The following TRHDE variants were observed in gnomAD, a reference collection of about 807,000 sequenced individuals.
TRHDE encodes thyrotropin releasing hormone degrading enzyme, also known as thyrotropin-releasing hormone-degrading ectoenzyme.
In TRHDE, 72 loss-of-function variants were observed where a neutral mutation model predicts 125.7. The ratio of observed to expected loss-of-function variants is 0.57; its 90% CI spans 0.47 to 0.70. The LOEUF (loss-of-function observed/expected upper bound fraction) is 0.70. TRHDE is among the 30% of genes least tolerant of loss of function. The pLI is 0.00. For missense variants in TRHDE, 1,110 were observed against 1,327.1 expected (o/e 0.84, Z 2.54); for synonymous variants, 509 against 509.1 (o/e 1.00, Z 0.00).
In TRHDE at chr12:72,631,463, T is replaced by G. The variant is rs73334832; in HGVS notation, c.2675+9712T>G. Among the ~76,000 whole-genome samples, 352 of 152,012 alleles carry G rather than the reference T, an allele frequency of 2.3e-3. 2 individuals carry two copies. The highest frequency in any genetic ancestry group is 8.1e-3 in the African/African-American group (336 of 41,540). ...TTTAAGTGAGTATCCTTTGTCAAAT[T>G]TAATTATATCAGTATTCCTTAAAAT... is the stretch of plus-strand genomic sequence containing the variant. On this transcript the variant is annotated intron_variant, in intron 15 of 18. Transcript: ENST00000261180.
At position 72,176,221 on chromosome 12, in the gene TRHDE, A is replaced by G. The variant is rs538392719; in HGVS notation, n.279+70469A>G. ...AAAAAAAGAGGCCAAACTCCCCCAAATTAGCTGGGTGTGGTGGTGCACACC... is the reference window on the plus strand; with the variant it reads ...AAAAAAAGAGGCCAAACTCCCCCAAGTTAGCTGGGTGTGGTGGTGCACACC... On this transcript the variant is annotated intron_variant and non_coding_transcript_variant, in intron 2 of 4. Coordinates refer to the TRHDE transcript ENST00000548156. 6.6e-5 allele frequency among the ~76,000 whole-genome samples: 10 copies of G among 152,310 alleles called. No individual in the cohort carries two copies. The South Asian group carries it at 1.9e-3, about 28-fold the overall frequency.
intron 1 of TRHDE, among the ~76,000 whole-genome samples, chr12:72,100,298 T>G (rs2139288500): frequency 6.6e-6 from 1 of 152,320 alleles, no homozygotes; most frequent in South Asian, 2.1e-4. Context: ...CAAATGTTAC[T>G]TAATGCTATG....
At chr12:72,159,608 A>G (rs1311825488) in intron 2 of TRHDE, among the ~76,000 whole-genome samples, 1 of 152,236 alleles carries the variant, frequency 6.6e-6, no homozygotes, top group East Asian at 1.9e-4. Flanking sequence ...TTGGCAAAAT[A>G]CGTTTGAAAA....
At chr12:72,141,616 C>A (rs1876113589) in intron 2 of TRHDE, among the ~76,000 whole-genome samples, 1 of 152,160 alleles carries the variant, frequency 6.6e-6, no homozygotes, top group Non-Finnish European at 1.5e-5. Context: ...TCTGTTGAGT[C>A]CCTCTATGCC....
intron 5 of TRHDE, among the ~76,000 whole-genome samples, chr12:72,489,942 C>T (rs920514733): frequency 1.3e-4 from 20 of 151,758 alleles, no homozygotes; most frequent in Non-Finnish European, 5.9e-5. Flanking sequence ...ACAACGATAT[C>T]TTGGTGTGAT....
intron 6 of TRHDE, among the ~76,000 whole-genome samples, chr12:72,529,564 T>G (rs550787987): frequency 6.6e-6 from 1 of 152,274 alleles, no homozygotes; most frequent in African/African-American, 2.4e-5. Flanking sequence ...CATCCCCCTA[T>G]TCACAGGCTG....
chr12:72,090,779 A>G (rs1313254818), intron 1 of TRHDE, among the ~76,000 whole-genome samples: 2 of 152,174 alleles, frequency 1.3e-5, no homozygotes, highest in East Asian at 1.9e-4. Context: ...TGTTATCTCT[A>G]GAGATAACCA....
At chr12:72,277,174 A>C (rs1879518271) in intron 1 of TRHDE, among the ~76,000 whole-genome samples, 1 of 152,176 alleles carries the variant, frequency 6.6e-6, no homozygotes, top group Non-Finnish European at 1.5e-5. Context: ...GTTTAGAGAG[A>C]AACTATAGTC....
In TRHDE at chr12:72,339,776, C is replaced by T. The variant is rs143219808; in HGVS notation, c.1189-38219C>T. Among the ~76,000 whole-genome samples the T allele has an allele frequency of 1.8e-3, 274 of 152,276 alleles. 7 individuals carry two copies. In the East Asian group the frequency reaches 0.047, roughly 26 times the overall value. ...CTTGACTATGGTGGATACTCTGGTG[C>T]TCACCTATCCCCCACCCATTGAGAA... On this transcript the variant is annotated intron_variant, in intron 2 of 18. Transcript: ENST00000261180.
chr12:72,296,135 T>G (rs1186127027), intron 2 of TRHDE, among the ~76,000 whole-genome samples: 1 of 152,184 alleles, frequency 6.6e-6, no homozygotes, highest in Admixed American at 6.5e-5. Flanking sequence ...ATGTAGAAAA[T>G]GATAGATACT....
chr12:72,110,419 A>G (rs1456000799), intron 2 of TRHDE, among the ~76,000 whole-genome samples: 6 of 150,956 alleles, frequency 4.0e-5, no homozygotes, highest in African/African-American at 1.5e-4. Flanking sequence ...GTCAAAATTC[A>G]CCTTTTTTTT....
chr12:72,265,930 T>C (rs1450692935), intron 2 of TRHDE, among the ~76,000 whole-genome samples: 1 of 152,008 alleles, frequency 6.6e-6, no homozygotes, highest in Non-Finnish European at 1.5e-5. Context: ...GATATTTCAT[T>C]ATCTAAAAGA....
At chr12:72,552,650 C>T (rs571553473) in intron 7 of TRHDE, among the ~76,000 whole-genome samples, 1 of 152,114 alleles carries the variant, frequency 6.6e-6, no homozygotes, top group South Asian at 2.1e-4. Context: ...AGAAGGGTAA[C>T]GACTGTAAAC....
intron 13 of TRHDE, 38 bp from the exon 14 acceptor site, chr12:72,621,070 A>C: frequency 8.4e-7 from 1 of 1,190,560 alleles, no homozygotes; most frequent in Non-Finnish European, 1.2e-6. Context: ...AGAAGTTTTA[A>C]ACTGACCTTA....
intron 15 of TRHDE, among the ~76,000 whole-genome samples, chr12:72,638,453 T>C (rs1592589074): frequency 6.6e-6 from 1 of 151,750 alleles, no homozygotes; most frequent in East Asian, 1.9e-4. Context: ...CTTGACTCTT[T>C]ATCCAATTTG....
chr12:72,310,374 C>G (rs976698297), intron 2 of TRHDE, among the ~76,000 whole-genome samples: 7 of 152,178 alleles, frequency 4.6e-5, no homozygotes, highest in African/African-American at 1.4e-4. Context: ...TATGGGCAAG[C>G]CGTTCAACCA....
At chr12:72,655,689 A>G (rs1481214687) in intron 17 of TRHDE, among the ~76,000 whole-genome samples, 1 of 152,162 alleles carries the variant, frequency 6.6e-6, no homozygotes, top group Non-Finnish European at 1.5e-5. Context: ...ACTGTACCTT[A>G]TTATTTTCTT....
intron 13 of TRHDE, among the ~76,000 whole-genome samples, chr12:72,620,082 C>A (rs1284221100): frequency 6.6e-6 from 1 of 151,972 alleles, no homozygotes; most frequent in East Asian, 1.9e-4. Flanking sequence ...CAATTTTTTA[C>A]TTGCTAGAGA....
At chr12:72,328,709 A>C (rs17111054) in intron 2 of TRHDE, among the ~76,000 whole-genome samples, 93,245 of 151,938 alleles carry the variant, frequency 0.61, 29,467 homozygotes, top group Non-Finnish European at 0.7. Context: ...ACATGAAAAG[A>C]CTTGGGTGAA....
Sources: allele counts gnomAD v4.1 joint callset (sites outside exome capture counted in the v4.1 genomes callset), GRCh38; gene constraint gnomAD v4.1.1; transcripts MANE v1.5; gene names NCBI Gene and HGNC (gene_info 2026-07-23, HGNC 2026-07-21).